Variants in FOXK1 observed in about 807,000 individuals in gnomAD.
FOXK1 encodes the protein forkhead box K1.
FOXK1 carries 19 observed loss-of-function variants against 51.9 expected under a neutral mutation model. That is an observed-to-expected ratio of 0.37 (90% CI 0.26 to 0.54). The LOEUF (loss-of-function observed/expected upper bound fraction) is 0.54, where lower values mean the gene tolerates loss of function less well. Ranked by LOEUF, FOXK1 falls within the 20% of genes least tolerant of loss-of-function variation. The probability of loss-of-function intolerance (pLI) is 0.87; values close to 1 mark genes in which losing one functional copy is unlikely to be tolerated. For synonymous variants in FOXK1, 537 were observed against 482.6 expected (o/e 1.11, Z -1.48); for missense variants, 870 against 1,032.7 (o/e 0.84, Z 2.16).
chr7:4,743,932 A>G lies in FOXK1; in HGVS notation c.746+2909A>G, dbSNP rs1279677688. Among the ~76,000 whole-genome samples, 1 of 150,368 alleles carries G rather than the reference A, an allele frequency of 6.7e-6. No individual in the cohort carries two copies. Among genetic ancestry groups the G allele is most frequent in the Non-Finnish European group, 1.5e-5 (1 of 67,756 alleles). On this transcript the variant is annotated intron_variant, in intron 2 of 8. Transcript: ENST00000328914. This position sits in a 1 kb window ranked among gnomAD's most constrained non-coding sequence, Gnocchi z 5.3. ...TGCTCTGTCGCCCAGGCTGGAGTGCAGTGGCGTGATCTTGGCTCAGTGCAA... is the reference window on the plus strand; with the variant it reads ...TGCTCTGTCGCCCAGGCTGGAGTGCGGTGGCGTGATCTTGGCTCAGTGCAA...
rs1365286199 is a variant in FOXK1 at position 4,769,101 on chromosome 7, A to G, written c.*6637A>G. The G allele has an allele frequency of 1.3e-5, 2 of 152,172 alleles. No individual in the cohort carries two copies. The highest frequency in any genetic ancestry group is 2.4e-5 in the African/African-American group (1 of 41,422). 9.4% of individuals were successfully genotyped at this position (152,172 alleles called of 1,614,324 possible). On this transcript the variant is annotated 3_prime_UTR_variant, in exon 9 of 9. Transcript: ENST00000328914. The surrounding 1 kb of genome is among the most constrained non-coding windows in gnomAD (Gnocchi z 4.1). ...GCTGGTTTTGGCTGCCCGGAGTATC[A>G]GAGAATATCACTAAGAGGGCAGTCA...
intron 1 of FOXK1, among the ~76,000 whole-genome samples, chr7:4,736,107 C>T (rs1780549276): frequency 6.6e-6 from 1 of 152,132 alleles, no homozygotes; most frequent in Non-Finnish European, 1.5e-5. Flanking sequence ...CGAGATCGCA[C>T]CACTGCACTC....
At chr7:4,714,364 C>T (rs562584495) in intron 1 of FOXK1, among the ~76,000 whole-genome samples, 3 of 152,222 alleles carry the variant, frequency 2.0e-5, no homozygotes, top group Admixed American at 2.0e-4. Flanking sequence ...CTGCAGCCTC[C>T]ACTTCTGGGG....
In FOXK1 at chr7:4,762,554, G is replaced by A. The variant is rs923118379; in HGVS notation, c.*90G>A. The A allele has an allele frequency of 2.0e-5, 27 of 1,362,394 alleles. No homozygotes were observed. The African/African-American group carries it at 3.6e-4, about 18-fold the overall frequency. The allele number at this position is 1,362,394 out of a possible 1,614,324, so 84.4% of individuals were successfully genotyped here. A position where few individuals can be genotyped will look rare whatever the true frequency, so the allele number is the denominator to read the frequency against. On this transcript the variant is annotated 3_prime_UTR_variant, in exon 9 of 9. Transcript: ENST00000328914. This position sits in a 1 kb window ranked among gnomAD's most constrained non-coding sequence, Gnocchi z 5.7. The stretch of plus-strand genomic sequence containing the variant: ...TCAGGCGGCCGCACCCACAGACGGA[G>A]GAGAACAGCCCGCGGCGGCCTGTGG...
intron 1 of FOXK1, among the ~76,000 whole-genome samples, chr7:4,705,517 T>TCTCTCTCTCTCTC (rs1780072758): frequency 1.8e-5 from 2 of 111,488 alleles, no homozygotes; most frequent in African/African-American, 3.5e-5. Context: ...TTCCTTCTCT[T>TCTCTCTCTCTCTC]TCTCTCTCTC....
intron 1 of FOXK1, among the ~76,000 whole-genome samples, chr7:4,727,943 C>T (rs1562380735): frequency 1.3e-5 from 2 of 152,218 alleles, no homozygotes; most frequent in African/African-American, 2.4e-5. Context: ...TGGAGACAGT[C>T]GGTGGCGTGT....
At chr7:4,684,841 T>TC (rs1399276027) in intron 1 of FOXK1, among the ~76,000 whole-genome samples, 1 of 152,184 alleles carries the variant, frequency 6.6e-6, no homozygotes, top group African/African-American at 2.4e-5. Flanking sequence ...ATTTTTTTTT[T>TC]GTAATTCAAG....
Position 4,705,996 on chromosome 7 carries a change from ATATATACG to A in FOXK1, c.560+23135_560+23142del, listed in dbSNP as rs1562373095. ...TACGTATATATACGTATATATACGTATATATACGTATATATACGTATATATACGTGTAT... is the reference window on the plus strand; with the variant it reads ...TACGTATATATACGTATATATACGTATATATATACGTATATATACGTGTAT... On this transcript the variant is annotated intron_variant, in intron 1 of 8. Transcript: ENST00000328914. Among the ~76,000 whole-genome samples the A allele has an allele frequency of 1.3e-4, 13 of 96,398 alleles. 1 individual carries two copies. The highest frequency in any genetic ancestry group is 6.4e-4 in the Admixed American group (7 of 10,980). 63.2% of individuals were successfully genotyped at this position (96,398 alleles called of 152,430 possible).
chr7:4,687,394 G>C (rs1473988771), intron 1 of FOXK1, among the ~76,000 whole-genome samples: 1 of 151,810 alleles, frequency 6.6e-6, no homozygotes, highest in Non-Finnish European at 1.5e-5. Context: ...CCAGGTTCAA[G>C]CGATTCTCCT....
chr7:4,750,706 CCAT>C (rs1562388685), intron 2 of FOXK1, among the ~76,000 whole-genome samples: 1 of 146,904 alleles, frequency 6.8e-6, no homozygotes, highest in Non-Finnish European at 1.5e-5. Flanking sequence ...CCTCGGTCTC[CCAT>C]CTTTTTTTTT....
intron 1 of FOXK1, among the ~76,000 whole-genome samples, chr7:4,739,933 G>A (rs900567245): frequency 6.6e-6 from 1 of 152,246 alleles, no homozygotes; most frequent in African/African-American, 2.4e-5. Flanking sequence ...TGGAGCCTGC[G>A]TGGGAGATGG....
rs1277875614 is a variant in FOXK1, at chr7:4,731,482, G to T, written c.561-9356G>T. Among the ~76,000 whole-genome samples, 1 of 152,146 alleles carries T rather than the reference G, an allele frequency of 6.6e-6. No homozygotes were observed. Among genetic ancestry groups the T allele is most frequent in the Non-Finnish European group, 1.5e-5 (1 of 68,020 alleles). ...ACCTTTTGAAAAGAGAGAGGCGGCC[G>T]GGCACAGTGGCTCACGCCTGTAATC... On this transcript the variant is annotated intron_variant, in intron 1 of 8. Transcript: ENST00000328914. The surrounding 1 kb of genome is among the most constrained non-coding windows in gnomAD (Gnocchi z 5.3).
In FOXK1 at chr7:4,747,052, C is replaced by T. The variant is rs1285308806; in HGVS notation, c.746+6029C>T. ...ATCCCTTCGAGGGGCAACTTTGGCG[C>T]TAAAGTGTTGGGAGTTCGGAATGAA... On this transcript the variant is annotated intron_variant, in intron 2 of 8. Coordinates refer to ENST00000328914, the MANE Select transcript of FOXK1 (RefSeq NM_001037165.2). The surrounding 1 kb of genome is among the most constrained non-coding windows in gnomAD (Gnocchi z 9.2). Among the ~76,000 whole-genome samples, 1 of 152,214 alleles carries T rather than the reference C, an allele frequency of 6.6e-6. No homozygotes were observed. The highest frequency in any genetic ancestry group is 1.5e-5 in the Non-Finnish European group (1 of 68,038).
At position 4,748,114 on chromosome 7, in the gene FOXK1, T is replaced by A. The variant is rs1170051134; in HGVS notation, c.747-6345T>A. ...TTTTCTTTCCCTATTTGTTTATTTTTCCTTTTTCAGATTACGAAGAGACTA... is the reference window on the plus strand; with the variant it reads ...TTTTCTTTCCCTATTTGTTTATTTTACCTTTTTCAGATTACGAAGAGACTA... On this transcript the variant is annotated intron_variant, in intron 2 of 8. Coordinates refer to ENST00000328914, the MANE Select transcript of FOXK1 (RefSeq NM_001037165.2). This position sits in a 1 kb window ranked among gnomAD's most constrained non-coding sequence, Gnocchi z 4.9. Among the ~76,000 whole-genome samples, 18 of 152,208 alleles carry A rather than the reference T, an allele frequency of 1.2e-4. No individual in the cohort carries two copies. Among genetic ancestry groups the A allele is most frequent in the Admixed American group, 1.2e-3 (18 of 15,282 alleles).
chr7:4,758,793 T>C lies in FOXK1; in HGVS notation c.1245-258T>C, dbSNP rs112022487. Reference sequence around the variant, plus strand: ...CGGTGGAAGTGAACTCCGTAGGTTGTTGCGTTCACTGCAGCACCTCACATG... The same window carrying C: ...CGGTGGAAGTGAACTCCGTAGGTTGCTGCGTTCACTGCAGCACCTCACATG... On this transcript the variant is annotated intron_variant, in intron 5 of 8. Transcript: ENST00000328914. This position sits in a 1 kb window ranked among gnomAD's most constrained non-coding sequence, Gnocchi z 4.4. 6.4e-4 allele frequency: 311 copies of C among 482,602 alleles called. No individual in the cohort carries two copies. Among genetic ancestry groups the C allele is most frequent in the African/African-American group, 5.3e-3 (261 of 49,288 alleles). The allele number at this position is 482,602 out of a possible 1,614,324, so 29.9% of individuals were successfully genotyped here.
chr7:4,725,050 C>T (rs763731028), intron 1 of FOXK1, among the ~76,000 whole-genome samples: 10 of 152,232 alleles, frequency 6.6e-5, no homozygotes, highest in Non-Finnish European at 1.2e-4. Flanking sequence ...AGCAGGAGCT[C>T]CCCCGAGGCC....
In FOXK1 at chr7:4,683,730, G is replaced by T. The variant is rs1225817445; in HGVS notation, c.560+862G>T. Among the ~76,000 whole-genome samples the T allele has an allele frequency of 6.6e-6, 1 of 151,992 alleles. No homozygotes were observed. Among genetic ancestry groups the T allele is most frequent in the East Asian group, 1.9e-4 (1 of 5,174 alleles). On this transcript the variant is annotated intron_variant, in intron 1 of 8. Transcript: ENST00000328914. This position sits in a 1 kb window ranked among gnomAD's most constrained non-coding sequence, Gnocchi z 4.5. ...CAGTGGCTACCCCTGACCCTGTCTG[G>T]TCTGGACCCTTGGGCCACCCCCACC...
rs772977655 is a variant in FOXK1 at position 4,711,799 on chromosome 7, G to A, written c.560+28931G>A. On this transcript the variant is annotated intron_variant, in intron 1 of 8. Transcript: ENST00000328914. This position sits in a 1 kb window ranked among gnomAD's most constrained non-coding sequence, Gnocchi z 6.3. ...GCCTCCAGGGCAGATGCCACGGACC[G>A]TAGAGAAGCAACGCAAGGTCAGAGA... Among the ~76,000 whole-genome samples the A allele has an allele frequency of 3.9e-5, 6 of 152,352 alleles. No individual in the cohort carries two copies. Among genetic ancestry groups the A allele is most frequent in the Non-Finnish European group, 5.9e-5 (4 of 68,026 alleles).
At position 4,722,554 on chromosome 7, in the gene FOXK1, G is replaced by A. The variant is rs1274518335; in HGVS notation, c.561-18284G>A. Among the ~76,000 whole-genome samples, 14 of 152,186 alleles carry A rather than the reference G, an allele frequency of 9.2e-5. No homozygotes were observed. The highest frequency in any genetic ancestry group is 7.9e-4 in the Admixed American group (12 of 15,278). On this transcript the variant is annotated intron_variant, in intron 1 of 8. Coordinates refer to ENST00000328914, the MANE Select transcript of FOXK1 (RefSeq NM_001037165.2). The surrounding 1 kb of genome is among the most constrained non-coding windows in gnomAD (Gnocchi z 5.1). Reference sequence around the variant, plus strand: ...ACGGGTACACTCGTGCCTGTTAACCGCACACCTGCGTGCAGCACGGGCACA... The same window carrying A: ...ACGGGTACACTCGTGCCTGTTAACCACACACCTGCGTGCAGCACGGGCACA...
Sources: allele counts gnomAD v4.1 joint callset (sites outside exome capture counted in the v4.1 genomes callset), GRCh38; gene constraint gnomAD v4.1.1; non-coding constraint Gnocchi (gnomAD v3.1); transcripts MANE v1.5; gene names NCBI Gene and HGNC (gene_info 2026-07-23, HGNC 2026-07-21).